Variants in GSTA2 observed in about 807,000 individuals in gnomAD.
GSTA2 encodes glutathione S-transferase alpha 2.
A neutral mutation model predicts 22.4 loss-of-function variants in GSTA2; 27 were observed. That is an observed-to-expected ratio of 1.21 (90% CI 0.89 to 1.67). The LOEUF is 1.67. GSTA2 is among the 40% of genes most tolerant of loss of function. The pLI is 0.00. For synonymous variants in GSTA2, 121 were observed against 86.8 expected, an observed-to-expected ratio of 1.39 and a Z score of -2.19; for missense variants, 302 against 260.2, an observed-to-expected ratio of 1.16 and a Z score of -1.11.
At chr6:52,752,622 C>T (rs934877352) in intron 5 of GSTA2, among the ~76,000 whole-genome samples, 1 of 152,152 alleles carries the variant, frequency 6.6e-6, no homozygotes, top group East Asian at 1.9e-4. Flanking sequence ...CAGATAATTC[C>T]ATATTGGGGT....
chr6:52,750,648 G>C lies in GSTA2; in HGVS notation c.598C>G (p.Pro200Ala). Residue 200 changes from proline to alanine, a missense_variant, in exon 7 of 7, where the codon CCT becomes GCT. Coordinates refer to ENST00000493422, the MANE Select transcript of GSTA2 (RefSeq NM_000846.5). ...ATGGGAGGCTTCCTTGGGCTGCCAG[G>C]CTGTAGAAACTTCTTCACTGTGGGC... is the stretch of plus-strand genomic sequence containing the variant. ...NLPTVKKFLQ[P>A]GSPRKPPMDE... 6.2e-7 allele frequency: 1 copy of C among 1,613,534 alleles called. No homozygotes were observed. Among genetic ancestry groups the C allele is most frequent in the Non-Finnish European group, 8.5e-7 (1 of 1,179,798 alleles).
At chr6:52,751,011 A>C (rs73740507) in intron 6 of GSTA2, among the ~76,000 whole-genome samples, 2,689 of 152,334 alleles carry the variant, frequency 0.018, 81 homozygotes, top group African/African-American at 0.06. Flanking sequence ...GTTTGATATC[A>C]GCACAGATCA....
At position 52,751,466 on chromosome 6, in the gene GSTA2, A is replaced by T. The variant is rs557230994; in HGVS notation, c.546+111T>A. ...CTCATTTTGGAGACCTTGGGGCACC[A>T]AAGGCCTGGAGAAGGCTGGGGTCAA... On this transcript the variant is annotated intron_variant, in intron 6 of 6. Coordinates refer to ENST00000493422, the MANE Select transcript of GSTA2 (RefSeq NM_000846.5). 53 of 1,592,402 alleles carry T rather than the reference A, an allele frequency of 3.3e-5. No individual in the cohort carries two copies. The African/African-American group carries it at 5.6e-4, about 17-fold the overall frequency.
At chr6:52,753,165 A>G (rs1762777464) in intron 4 of GSTA2, among the ~76,000 whole-genome samples, 170 bp from the exon 5 acceptor site, 1 of 148,406 alleles carries the variant, frequency 6.7e-6, no homozygotes, top group Admixed American at 6.6e-5. Context: ...TATAGTCATT[A>G]TGCTCTGAGT....
At chr6:52,763,127 C>T (rs139582036) in intron 1 of GSTA2, among the ~76,000 whole-genome samples, 1,801 of 152,280 alleles carry the variant, frequency 0.012, 36 homozygotes, top group African/African-American at 0.04. Flanking sequence ...TACATTGCCA[C>T]TTCTTCCAGC....
intron 6 of GSTA2, 138 bp from the exon 7 acceptor site, chr6:52,750,837 C>T (rs1003663439): frequency 1.7e-5 from 17 of 976,548 alleles, no homozygotes; most frequent in African/African-American, 1.5e-4. Flanking sequence ...CAGAAACAGA[C>T]ACCCAGTGAG....
chr6:52,761,956 C>T (rs1762958297), intron 1 of GSTA2, among the ~76,000 whole-genome samples: 1 of 150,690 alleles, frequency 6.6e-6, no homozygotes. Flanking sequence ...AATCTGTAAC[C>T]CTACCCCCAG....
chr6:52,761,712 AG>A (rs1216137779), intron 1 of GSTA2, among the ~76,000 whole-genome samples: 2 of 150,550 alleles, frequency 1.3e-5, no homozygotes, highest in Non-Finnish European at 2.9e-5. Flanking sequence ...GTTCTCAACC[AG>A]GGGGATTTTG....
rs564737568 is a variant in GSTA2, at chr6:52,756,272, T to C, written c.125A>G (p.Asp42Gly). 5.0e-6 allele frequency: 8 copies of C among 1,604,148 alleles called. No individual in the cohort carries two copies. Among genetic ancestry groups the C allele is most frequent in the Middle Eastern group, 1.7e-4 (1 of 6,028 alleles). The change falls in exon 3 of 7, where the codon GAC (aspartate) becomes GGC (glycine). Residue 42 changes from aspartate to glycine, a missense_variant. Physicochemically the swap from Asp to Gly is moderately conservative, Grantham distance 94. Coordinates refer to ENST00000493422, the MANE Select transcript of GSTA2 (RefSeq NM_000846.5). ...GTTGATCTTACCATTTCTTAACTTG[T>C]CCAAATCTTCTGCAGATTTTATAAA... ...EKFIKSAEDL[D>G]KLRNDGYLMF...
chr6:52,756,258 C>A lies in GSTA2; in HGVS notation c.139G>T (p.Asp47Tyr), dbSNP rs1344084223. 1 of 1,601,816 alleles carries A rather than the reference C, an allele frequency of 6.2e-7. No individual in the cohort carries two copies. The highest frequency in any genetic ancestry group is 8.6e-7 in the Non-Finnish European group (1 of 1,169,348). Residue 47 changes from aspartate to tyrosine, a missense_variant and splice_region_variant, in exon 3 of 7, where the codon GAT (aspartate) becomes TAT (tyrosine). Coordinates refer to ENST00000493422, the MANE Select transcript of GSTA2 (RefSeq NM_000846.5). ...SAEDLDKLRN[D>Y]GYLMFQQVPM... ...AGAGAAACTTAGAGGTTGATCTTAC[C>A]ATTTCTTAACTTGTCCAAATCTTCT...
chr6:52,754,374 A>G (rs1200605376), intron 4 of GSTA2, among the ~76,000 whole-genome samples: 29 of 152,188 alleles, frequency 1.9e-4, no homozygotes, highest in Admixed American at 1.9e-3. Context: ...CTTTGCTGGT[A>G]TTGAATCAAT....
intron 4 of GSTA2, 47 bp downstream of exon 4, chr6:52,754,896 A>T: frequency 6.2e-7 from 1 of 1,611,020 alleles, no homozygotes; most frequent in Non-Finnish European, 8.5e-7. Flanking sequence ...AAGGACCTAA[A>T]TCACTCTATG....
At position 52,757,530 on chromosome 6, in the gene GSTA2, A is replaced by C. The variant is rs190163888; in HGVS notation, c.87+331T>G. 1.6e-3 allele frequency among the ~76,000 whole-genome samples: 239 copies of C among 152,276 alleles called. 1 individual carries two copies. The highest frequency in any genetic ancestry group is 5.5e-3 in the African/African-American group (230 of 41,568). ...CACACATGAAATATTAACAATAATT[A>C]TTTCATGTCCTCAAATATTCAATCG... On this transcript the variant is annotated intron_variant, in intron 2 of 6. Coordinates refer to ENST00000493422, the MANE Select transcript of GSTA2 (RefSeq NM_000846.5).
intron 4 of GSTA2, 33 bp from the exon 5 acceptor site, chr6:52,753,028 T>G (rs368197497): frequency 7.7e-6 from 12 of 1,565,444 alleles, no homozygotes; most frequent in African/African-American, 1.4e-5. Context: ...TGGTCAAATA[T>G]CTTTTGCCTT....
chr6:52,753,883 G>T (rs1362456111), intron 4 of GSTA2, among the ~76,000 whole-genome samples: 1 of 152,066 alleles, frequency 6.6e-6, no homozygotes, highest in Non-Finnish European at 1.5e-5. Flanking sequence ...TTTTCTCCAA[G>T]CCCCACTCCT....
intron 1 of GSTA2, among the ~76,000 whole-genome samples, chr6:52,762,104 C>CCAGGGACACAAAA (rs1762961137): frequency 6.6e-6 from 1 of 152,156 alleles, no homozygotes; most frequent in Non-Finnish European, 1.5e-5. Flanking sequence ...TGTCAAGTAC[C>CCAGGGACACAAAA]CAGGGACACA....
At chr6:52,755,826 T>C (rs946543356) in intron 3 of GSTA2, among the ~76,000 whole-genome samples, 10 of 152,002 alleles carry the variant, frequency 6.6e-5, no homozygotes, top group African/African-American at 2.4e-4. Context: ...AAGTCTGCGA[T>C]ATTGCTACAG....
rs548683882 is a variant in GSTA2 at position 52,762,521 on chromosome 6, G to A, written c.-31+923C>T. On this transcript the variant is annotated intron_variant, in intron 1 of 6. Coordinates refer to ENST00000493422, the MANE Select transcript of GSTA2 (RefSeq NM_000846.5). ...TTTCTAACCTTGTTTATGACACAGA[G>A]ACGTGAGTTTGTTCACGTTTTCCTG... is the stretch of plus-strand genomic sequence containing the variant. Among the ~76,000 whole-genome samples the A allele has an allele frequency of 1.1e-3, 174 of 152,294 alleles. 2 individuals are homozygous for A. Among genetic ancestry groups the A allele is most frequent in the Admixed American group, 3.4e-3 (52 of 15,300 alleles).
intron 6 of GSTA2, 136 bp from the exon 7 acceptor site, chr6:52,750,835 G>T: frequency 1.0e-6 from 1 of 969,980 alleles, no homozygotes; most frequent in Non-Finnish European, 1.5e-6. Context: ...GGCAGAAACA[G>T]ACACCCAGTG....
Sources: gnomAD v4.1 joint callset for allele counts (sites outside exome capture counted in the v4.1 genomes callset) on GRCh38, gnomAD v4.1.1 for gene constraint, MANE v1.5 for transcripts, NCBI Gene and HGNC (gene_info 2026-07-23, HGNC 2026-07-21) for gene names.